The following KCNH6 variants were observed in gnomAD, a reference collection of about 807,000 sequenced individuals.
The protein encoded by KCNH6 is voltage-gated inwardly rectifying potassium channel KCNH6.
A neutral mutation model predicts 83.4 loss-of-function variants in KCNH6; 81 were observed. The observed-to-expected ratio is 0.97, with a 90% CI of 0.81 to 1.17. KCNH6 has a LOEUF of 1.17. KCNH6 is among the 50% of genes most tolerant of loss of function. KCNH6 has a pLI of 0.00. For synonymous variants in KCNH6, 503 were observed against 545.6 expected, an observed-to-expected ratio of 0.92 and a Z score of 1.09; for missense variants, 1,203 against 1,290.5, an observed-to-expected ratio of 0.93 and a Z score of 1.04.
intron 2 of KCNH6, 135 bp downstream of exon 2, chr17:63,524,504 G>A (rs1013369942): frequency 1.5e-6 from 1 of 684,394 alleles, no homozygotes; most frequent in Non-Finnish European, 2.5e-6. Context: ...TAGGGGCCTT[G>A]GTTCCTCCAC....
chr17:63,543,952 G>C, intron 10 of KCNH6: 2 of 932,222 alleles, frequency 2.1e-6, no homozygotes, highest in Non-Finnish European at 3.2e-6. Context: ...CATCAGGGGG[G>C]CCACTGGGCT....
At chr17:63,525,511 G>A (rs971393710) in intron 2 of KCNH6, among the ~76,000 whole-genome samples, 2 of 152,210 alleles carry the variant, frequency 1.3e-5, no homozygotes, top group Non-Finnish European at 2.9e-5. Flanking sequence ...TCTCTGGATC[G>A]GGACCGAGGA....
downstream of KCNH6, among the ~76,000 whole-genome samples, chr17:63,548,598 CAT>C (rs1168072313): frequency 6.6e-6 from 1 of 152,088 alleles, no homozygotes; most frequent in African/African-American, 2.4e-5. Flanking sequence ...TTCAAAACAA[CAT>C]AAATATATAT....
At chr17:63,544,029 G>C (rs1485801518) in intron 10 of KCNH6, 2 of 1,566,176 alleles carry the variant, frequency 1.3e-6, no homozygotes, top group Non-Finnish European at 1.7e-6. Context: ...CCATGAGCTG[G>C]GGCCCCAGTT....
At chr17:63,532,890 A>G (rs2032217357) in intron 4 of KCNH6, among the ~76,000 whole-genome samples, 2 of 152,058 alleles carry the variant, frequency 1.3e-5, no homozygotes, top group East Asian at 1.9e-4. Context: ...TGCCATCTCC[A>G]TGAGAATAGA....
chr17:63,530,238 G>A lies in KCNH6; in HGVS notation c.455G>A (p.Ser152Asn). Residue 152 changes from serine (S) to asparagine (N), a missense_variant, in exon 3 of 13, where the codon AGC becomes AAC. Transcript: ENST00000314672. ...RSLSQRLLSQ[S>N]FLGSEGSHGR... ...TTGTCCCAGCGCCTGTTGTCCCAGA[G>A]CTTCCTGGGCTCCGGTGAGGCAGAG... 6.2e-7 allele frequency: 1 copy of A among 1,614,096 alleles called. No individual in the cohort carries two copies. Among genetic ancestry groups the A allele is most frequent in the Non-Finnish European group, 8.5e-7 (1 of 1,179,934 alleles).
Position 63,523,662 on chromosome 17 carries a change from G to A in KCNH6, c.76+173G>A, listed in dbSNP as rs2031493349. ...CCTTCTCCTCCAGGGGGACCCGCTT[G>A]CCTTAAATGCTGTCCTCTTTTCTGG... On this transcript the variant is annotated intron_variant, in intron 1 of 12. Coordinates refer to ENST00000314672, the MANE Select transcript of KCNH6 (RefSeq NM_001278919.2). This position sits in a 1 kb window ranked among gnomAD's most constrained non-coding sequence, Gnocchi z 4.2. Among the ~76,000 whole-genome samples, 1 of 152,084 alleles carries A rather than the reference G, an allele frequency of 6.6e-6. No homozygotes were observed.
Position 63,538,706 on chromosome 17 carries a change from G to A in KCNH6, c.1954+44G>A. 6.6e-7 allele frequency: 1 copy of A among 1,521,220 alleles called. No homozygotes were observed. Among genetic ancestry groups the A allele is most frequent in the Non-Finnish European group, 8.8e-7 (1 of 1,131,348 alleles). The allele number at this position is 1,521,220 out of a possible 1,614,324, so 94.2% of individuals were successfully genotyped here. A position where few individuals can be genotyped will look rare whatever the true frequency, so the allele number is the denominator to read the frequency against. On this transcript the variant is annotated intron_variant, in intron 8 of 12. Coordinates refer to ENST00000314672, the MANE Select transcript of KCNH6 (RefSeq NM_001278919.2). The surrounding 1 kb of genome is among the most constrained non-coding windows in gnomAD (Gnocchi z 4.0). ...ACCAGGCCTGTGTTGGGGATTGGATGGAAGAGGGCGGGATTGGAGATGCCC... is the reference window on the plus strand; with the variant it reads ...ACCAGGCCTGTGTTGGGGATTGGATAGAAGAGGGCGGGATTGGAGATGCCC...
intron 6 of KCNH6, among the ~76,000 whole-genome samples, chr17:63,537,354 G>A (rs2032564057): frequency 6.6e-6 from 1 of 152,196 alleles, no homozygotes. Flanking sequence ...AGAGTATTTA[G>A]AGATATGAAA....
At chr17:63,542,959 C>T (rs932113307) in intron 9 of KCNH6, among the ~76,000 whole-genome samples, 2 of 152,172 alleles carry the variant, frequency 1.3e-5, no homozygotes, top group African/African-American at 4.8e-5. Flanking sequence ...TAAAGAGCCA[C>T]AAAGTAAAAC....
Position 63,538,355 on chromosome 17 carries a change from C to G in KCNH6, c.1702-55C>G, listed in dbSNP as rs1037593008. 7.5e-6 allele frequency: 12 copies of G among 1,595,372 alleles called. No individual in the cohort carries two copies. Among genetic ancestry groups the G allele is most frequent in the African/African-American group, 5.4e-5 (4 of 74,522 alleles). ...GCGTCCCCAGAGCCCTCACCACCCT[C>G]TCCCCCAGCCCCACCCCGGCCGCGT... On this transcript the variant is annotated intron_variant, in intron 7 of 12. Coordinates refer to ENST00000314672, the MANE Select transcript of KCNH6 (RefSeq NM_001278919.2). The surrounding 1 kb of genome is among the most constrained non-coding windows in gnomAD (Gnocchi z 4.0).
At chr17:63,524,393 C>T in intron 2 of KCNH6, 24 bp downstream of exon 2, 1 of 1,595,524 alleles carries the variant, frequency 6.3e-7, no homozygotes, top group Non-Finnish European at 8.6e-7. Context: ...AGGCCAGAGG[C>T]TTTGCAGGGC....
At position 63,542,227 on chromosome 17, in the gene KCNH6, C is replaced by T. The variant is rs2032902176; in HGVS notation, c.1955-14C>T. 1 of 1,612,700 alleles carries T rather than the reference C, an allele frequency of 6.2e-7. No homozygotes were observed. Among genetic ancestry groups the T allele is most frequent in the Non-Finnish European group, 8.5e-7 (1 of 1,179,142 alleles). On this transcript the variant is annotated splice_polypyrimidine_tract_variant and intron_variant, in intron 8 of 12. Coordinates refer to ENST00000314672, the MANE Select transcript of KCNH6 (RefSeq NM_001278919.2). ...GTCAGACCCTGAAGAGACTCCCACC[C>T]CTCTGGCTGGCAGGAAAGAATGACA... is the stretch of plus-strand genomic sequence containing the variant.
downstream of KCNH6, among the ~76,000 whole-genome samples, chr17:63,547,477 C>T (rs1051496950): frequency 7.0e-3 from 4 of 574 alleles, no homozygotes; most frequent in South Asian, 0.05. Context: ...CAAATAGCAG[C>T]GATTTGAGAG....
At chr17:63,524,497 G>A (rs1568063116) in intron 2 of KCNH6, 128 bp downstream of exon 2, 1 of 707,674 alleles carries the variant, frequency 1.4e-6, no homozygotes, top group East Asian at 2.7e-5. Flanking sequence ...TTTCTTCTAG[G>A]GGCCTTGGTT....
Position 63,538,160 on chromosome 17 carries a change from A to G in KCNH6, c.1597A>G (p.Lys533Glu), listed in dbSNP as rs780094905. The change falls in exon 7 of 13, where the codon AAG becomes GAG. Residue 533 changes from lysine (K) to glutamate (E), a missense_variant. Transcript: ENST00000314672. This position sits in a 1 kb window ranked among gnomAD's most constrained non-coding sequence, Gnocchi z 4.0. The part of the protein sequence containing the change: ...ARYHTQMLRV[K>E]EFIRFHQIPN... ...CTACCACACGCAGATGCTGCGTGTC[A>G]AGGAGTTCATCCGCTTCCACCAGAT... is the stretch of plus-strand genomic sequence containing the variant. 3.1e-6 allele frequency: 5 copies of G among 1,614,120 alleles called. No homozygotes were observed. The highest frequency in any genetic ancestry group is 4.2e-6 in the Non-Finnish European group (5 of 1,179,966).
rs768576841 is a variant in KCNH6, at chr17:63,524,150, C to T, written c.88C>T (p.Leu30=). ...RKFEGQSRKF[L]IANAQMENCA... is the part of the protein sequence containing the mutation. ...ACCTCCCACCCCAGGTCGGAAGTTC[C>T]TGATTGCCAATGCTCAGATGGAGAA... Residue 30 remains leucine (L), a synonymous_variant, in exon 2 of 13, where the codon CTG becomes TTG. Coordinates refer to ENST00000314672, the MANE Select transcript of KCNH6 (RefSeq NM_001278919.2). 9 of 1,613,498 alleles carry T rather than the reference C, an allele frequency of 5.6e-6. No homozygotes were observed. The Admixed American group carries it at 1.5e-4, about 27-fold the overall frequency.
rs1322538056 is a variant in KCNH6, at chr17:63,545,824, C to T, written c.2799C>T (p.His933=). 2 of 1,614,036 alleles carry T rather than the reference C, an allele frequency of 1.2e-6. No homozygotes were observed. The highest frequency in any genetic ancestry group is 1.3e-5 in the African/African-American group (1 of 74,930). Residue 933 remains histidine (H), a synonymous_variant, in exon 13 of 13, where the codon CAC becomes CAT. Coordinates refer to ENST00000314672, the MANE Select transcript of KCNH6 (RefSeq NM_001278919.2). ...CGPCFSSLPE[H]LGSVPKQLDF... ...CCTGCTTCTCCTCCCTCCCTGAACACCTTGGCTCTGTTCCCAAGCAGCTGG... is the reference window on the plus strand; with the variant it reads ...CCTGCTTCTCCTCCCTCCCTGAACATCTTGGCTCTGTTCCCAAGCAGCTGG...
intron 6 of KCNH6, among the ~76,000 whole-genome samples, chr17:63,536,952 C>CA (rs60039258): frequency 0.028 from 1,575 of 56,256 alleles, 111 homozygotes; most frequent in East Asian, 0.031. Context: ...GACTCCGTCT[C>CA]AAAAAAAAAA....
Sources: allele counts gnomAD v4.1 joint callset (sites outside exome capture counted in the v4.1 genomes callset), GRCh38; gene constraint gnomAD v4.1.1; non-coding constraint Gnocchi (gnomAD v3.1); transcripts MANE v1.5; gene names NCBI Gene and HGNC (gene_info 2026-07-23, HGNC 2026-07-21).